Variants in PKD2 observed in about 807,000 individuals in gnomAD.
PKD2 encodes polycystin 2, transient receptor potential cation channel.
A neutral mutation model predicts 105.9 loss-of-function variants in PKD2; 48 were observed. The observed-to-expected ratio is 0.45, with a 90% CI of 0.36 to 0.58. The LOEUF (loss-of-function observed/expected upper bound fraction) is 0.58. Among genes scored for constraint, PKD2 ranks in the 20% least tolerant of loss-of-function variants. The pLI is 0.00. For synonymous variants in PKD2, 464 were observed against 481.1 expected, an observed-to-expected ratio of 0.96 and a Z score of 0.46; for missense variants, 1,078 against 1,255.3, an observed-to-expected ratio of 0.86 and a Z score of 2.13.
chr4:88,030,108 G>T (rs1215009457), intron 2 of PKD2, among the ~76,000 whole-genome samples: 2 of 152,166 alleles, frequency 1.3e-5, no homozygotes, highest in Non-Finnish European at 2.9e-5. Context: ...TCCAAGAGCT[G>T]CTGTTTCTGG....
At chr4:88,044,709 G>C (rs1162162133) in intron 5 of PKD2, among the ~76,000 whole-genome samples, 1 of 152,056 alleles carries the variant, frequency 6.6e-6, no homozygotes, top group Admixed American at 6.5e-5. Flanking sequence ...TTTCCCTTAG[G>C]GATGTTGAAT....
intron 1 of PKD2, among the ~76,000 whole-genome samples, chr4:88,013,594 T>G (rs1726457721): frequency 6.6e-6 from 1 of 151,934 alleles, no homozygotes; most frequent in Non-Finnish European, 1.5e-5. Flanking sequence ...CCCAGTTATT[T>G]GGGAGTTTGA....
At chr4:88,023,283 C>G (rs1037030876) in intron 2 of PKD2, among the ~76,000 whole-genome samples, 2 of 152,026 alleles carry the variant, frequency 1.3e-5, no homozygotes, top group African/African-American at 4.8e-5. Flanking sequence ...GTGGCAAAAG[C>G]AGGAGCAAGA....
At chr4:88,040,338 A>G (rs1727514131) in intron 4 of PKD2, among the ~76,000 whole-genome samples, 1 of 152,162 alleles carries the variant, frequency 6.6e-6, no homozygotes, top group African/African-American at 2.4e-5. Context: ...CAGGGATTCT[A>G]TTTTGTTAAC....
chr4:88,013,438 C>T (rs561437619), intron 1 of PKD2, among the ~76,000 whole-genome samples: 2 of 152,336 alleles, frequency 1.3e-5, no homozygotes, highest in African/African-American at 4.8e-5. Flanking sequence ...AGGCCAGGCA[C>T]AGCCGCTCAT....
chr4:88,075,700 G>A lies in PKD2; in HGVS notation c.*6G>A, dbSNP rs202219511. The A allele has an allele frequency of 5.7e-6, 9 of 1,587,792 alleles. No homozygotes were observed. The highest frequency in any genetic ancestry group is 1.7e-4 in the Middle Eastern group (1 of 5,994). Reference sequence around the variant, plus strand: ...GTTCTAATGTCCACGTATGATATGTGTGTTTCAGTATGTGTGTTTCTAATA... The same window carrying A: ...GTTCTAATGTCCACGTATGATATGTATGTTTCAGTATGTGTGTTTCTAATA... On this transcript the variant is annotated 3_prime_UTR_variant, in exon 15 of 15. Transcript: ENST00000237596.
intron 4 of PKD2, among the ~76,000 whole-genome samples, chr4:88,041,691 C>A (rs1186248404): frequency 6.6e-6 from 1 of 152,190 alleles, no homozygotes; most frequent in African/African-American, 2.4e-5. Context: ...TCCCGACTCT[C>A]AGAAGGAAAG....
intron 2 of PKD2, among the ~76,000 whole-genome samples, chr4:88,031,419 C>A (rs1727147478): frequency 6.6e-6 from 1 of 152,144 alleles, no homozygotes; most frequent in Non-Finnish European, 1.5e-5. Context: ...TCCACTGCAT[C>A]CCTGTGAGGA....
At chr4:88,043,191 A>G in intron 4 of PKD2, 42 bp from the exon 5 acceptor site, 4 of 1,264,452 alleles carry the variant, frequency 3.2e-6, no homozygotes, top group Admixed American at 3.4e-5. Context: ...CAAGTGTTCC[A>G]CTGATTGTAA....
rs773557612 is a variant in PKD2 at position 88,065,859 on chromosome 4, G to A, written c.2338G>A (p.Asp780Asn). The A allele has an allele frequency of 6.8e-6, 11 of 1,609,736 alleles. No individual in the cohort carries two copies. In the African/African-American group the frequency reaches 1.5e-4, roughly 22 times the overall value. ...LTEHEHQQMR[D>N]DLEKEREDLD... ...CGAACATGAACATCAGCAGATGAGA[G>A]ACGACTTGGAGAAAGAGAGGGTGGG... The change falls in exon 12 of 15, where the codon GAC (aspartate) becomes AAC (asparagine). Residue 780 changes from aspartate to asparagine, a missense_variant. Coordinates refer to ENST00000237596, the MANE Select transcript of PKD2 (RefSeq NM_000297.4).
At chr4:88,034,562 G>C (rs935895975) in intron 2 of PKD2, among the ~76,000 whole-genome samples, 1 of 151,794 alleles carries the variant, frequency 6.6e-6, no homozygotes, top group Non-Finnish European at 1.5e-5. Context: ...CAGCTACTTG[G>C]GAGGCTGAAG....
At chr4:88,071,301 C>T (rs1179156562) in intron 13 of PKD2, among the ~76,000 whole-genome samples, 4 of 152,214 alleles carry the variant, frequency 2.6e-5, no homozygotes, top group Admixed American at 2.0e-4. Context: ...CCTCCCTGCT[C>T]AGGCTCCCAA....
At position 88,036,571 on chromosome 4, in the gene PKD2, C is replaced by A. The variant is rs2728109; in HGVS notation, c.843+218C>A. 0.088 allele frequency: 17,052 copies of A among 194,034 alleles called. 1,037 individuals carry two copies. The highest frequency in any genetic ancestry group is 0.25 in the East Asian group (1,371 of 5,386). 12.0% of individuals were successfully genotyped at this position (194,034 alleles called of 1,614,324 possible). On this transcript the variant is annotated intron_variant, in intron 3 of 14. Coordinates refer to ENST00000237596, the MANE Select transcript of PKD2 (RefSeq NM_000297.4). ...GTGCCTTGCACTGTGCTGAGTGTTT[C>A]ATATCTTACCTTATTTAATTTCTAT...
At chr4:88,038,840 T>C (rs942450565) in intron 4 of PKD2, among the ~76,000 whole-genome samples, 1 of 152,174 alleles carries the variant, frequency 6.6e-6, no homozygotes, top group Non-Finnish European at 1.5e-5. Context: ...CACTAAGTTA[T>C]TTAACACAAG....
intron 2 of PKD2, among the ~76,000 whole-genome samples, chr4:88,031,163 T>C (rs1727135922): frequency 6.6e-6 from 1 of 152,204 alleles, no homozygotes. Context: ...TACTCTACAG[T>C]GTATTGTATT....
chr4:88,053,534 G>A (rs1720193511), intron 7 of PKD2, among the ~76,000 whole-genome samples: 1 of 151,856 alleles, frequency 6.6e-6, no homozygotes, highest in South Asian at 2.1e-4. Flanking sequence ...GCACGTGCCT[G>A]TAGTCCTAGC....
chr4:88,031,314 G>GT (rs1374263451), intron 2 of PKD2, among the ~76,000 whole-genome samples: 1 of 152,206 alleles, frequency 6.6e-6, no homozygotes, highest in Admixed American at 6.5e-5. Context: ...TTTACAATGA[G>GT]TTTATCAGGA....
intron 1 of PKD2, among the ~76,000 whole-genome samples, chr4:88,018,685 G>T (rs1454189718): frequency 6.6e-6 from 1 of 152,222 alleles, no homozygotes; most frequent in Non-Finnish European, 1.5e-5. Flanking sequence ...GCAAGCTCAT[G>T]GAGGGTTACG....
intron 6 of PKD2, among the ~76,000 whole-genome samples, chr4:88,050,795 G>A (rs1720058427): frequency 6.6e-6 from 1 of 151,826 alleles, no homozygotes; most frequent in Admixed American, 6.6e-5. Context: ...AAAAATACAA[G>A]ATTGGCTCTG....
Sources: allele counts gnomAD v4.1 joint callset (sites outside exome capture counted in the v4.1 genomes callset), GRCh38; gene constraint gnomAD v4.1.1; transcripts MANE v1.5; gene names NCBI Gene and HGNC (gene_info 2026-07-23, HGNC 2026-07-21).